CNTN1: variants seen among roughly 807,000 people sequenced by gnomAD.
CNTN1 encodes the protein contactin-1.
In CNTN1, 38 loss-of-function variants were observed where a neutral mutation model predicts 126.4. That is an observed-to-expected ratio of 0.30 (90% CI 0.23 to 0.39). The LOEUF (loss-of-function observed/expected upper bound fraction) is 0.39. Among genes scored for constraint, CNTN1 ranks in the 10% least tolerant of loss-of-function variants. The probability of loss-of-function intolerance (pLI) is 1.00; values close to 1 mark genes in which losing one functional copy is unlikely to be tolerated. For synonymous variants in CNTN1, 413 were observed against 422.6 expected (o/e 0.98, Z 0.28); for missense variants, 1,009 against 1,248.4 (o/e 0.81, Z 2.89).
intron 23 of CNTN1, among the ~76,000 whole-genome samples, chr12:41,068,594 T>A (rs185775): frequency 0.042 from 6,445 of 152,038 alleles, 323 homozygotes; most frequent in African/African-American, 0.11. Context: ...ATAGGGAACA[T>A]GAATGTGCTT....
chr12:40,782,338 A>T (rs969747464), intron 1 of CNTN1, among the ~76,000 whole-genome samples: 2 of 151,946 alleles, frequency 1.3e-5, no homozygotes, highest in African/African-American at 4.8e-5. Flanking sequence ...GCTTAAATGT[A>T]TTTACTGATT....
chr12:40,844,137 A>G (rs1942406000), intron 1 of CNTN1, among the ~76,000 whole-genome samples: 1 of 133,034 alleles, frequency 7.5e-6, no homozygotes, highest in Admixed American at 9.1e-5. Flanking sequence ...GCACGATCTC[A>G]GCTCACCGCA....
chr12:40,824,621 T>C (rs1486377635), intron 1 of CNTN1, among the ~76,000 whole-genome samples: 1 of 152,148 alleles, frequency 6.6e-6, no homozygotes, highest in Admixed American at 6.6e-5. Context: ...GAAAGATAGA[T>C]ATTTAAGTTG....
intron 1 of CNTN1, among the ~76,000 whole-genome samples, chr12:40,736,040 G>A (rs767867662): frequency 6.6e-6 from 1 of 151,988 alleles, no homozygotes; most frequent in Non-Finnish European, 1.5e-5. Context: ...AGAAAGATGG[G>A]GCAAGACATG....
At chr12:41,017,364 A>C (rs1384582034) in intron 19 of CNTN1, among the ~76,000 whole-genome samples, 1 of 148,260 alleles carries the variant, frequency 6.7e-6, no homozygotes, top group Non-Finnish European at 1.5e-5. Context: ...TCTGGAGGAC[A>C]GAGCAAGACT....
intron 1 of CNTN1, among the ~76,000 whole-genome samples, chr12:40,752,562 T>C (rs150875530): frequency 1.4e-4 from 22 of 152,214 alleles, no homozygotes; most frequent in Admixed American, 4.6e-4. Context: ...TGTTAATGAA[T>C]GTGATCCAGG....
At chr12:41,003,738 A>G (rs1394049584) in intron 17 of CNTN1, among the ~76,000 whole-genome samples, 1 of 152,132 alleles carries the variant, frequency 6.6e-6, no homozygotes, top group Non-Finnish European at 1.5e-5. Flanking sequence ...TTATGTGTAT[A>G]GAGGTGTTCA....
chr12:40,733,968 C>T (rs1217660571), intron 1 of CNTN1, among the ~76,000 whole-genome samples: 3 of 152,020 alleles, frequency 2.0e-5, no homozygotes, highest in African/African-American at 4.8e-5. Context: ...GGTCTCTGTT[C>T]CTGGGTTTTC....
In CNTN1 at chr12:40,971,374, C is replaced by T. The variant is rs1286464465; in HGVS notation, c.1805-9535C>T. 6 of 1,427,902 alleles carry T rather than the reference C, an allele frequency of 4.2e-6. No individual in the cohort carries two copies. In the African/African-American group the frequency reaches 8.4e-5, roughly 20 times the overall value. The allele number at this position is 1,427,902 out of a possible 1,614,324, so 88.5% of individuals were successfully genotyped here. A position where few individuals can be genotyped will look rare whatever the true frequency, so the allele number is the denominator to read the frequency against. ...TAGGGCAAATCCCCCAAGTGCATGG[C>T]TTCCTGCCCCTAATTGGGCATCCAC... is the stretch of plus-strand genomic sequence containing the variant. On this transcript the variant is annotated intron_variant, in intron 15 of 23. Transcript: ENST00000551295.
intron 17 of CNTN1, among the ~76,000 whole-genome samples, chr12:41,007,044 G>GTTTTTTTTT (rs1377932314): frequency 8.1e-6 from 1 of 123,448 alleles, no homozygotes; most frequent in African/African-American, 3.1e-5. Flanking sequence ...AGTTTTGTGT[G>GTTTTTTTTT]GTTTTTTTTT....
intron 1 of CNTN1, among the ~76,000 whole-genome samples, chr12:40,714,265 A>G (rs780572357): frequency 6.6e-5 from 10 of 152,110 alleles, no homozygotes; most frequent in African/African-American, 2.2e-4. Flanking sequence ...TGGGCACTTC[A>G]TGAAGAAAAG....
At chr12:40,785,535 G>C (rs777034246) in intron 1 of CNTN1, among the ~76,000 whole-genome samples, 1 of 152,138 alleles carries the variant, frequency 6.6e-6, no homozygotes, top group Non-Finnish European at 1.5e-5. Context: ...ATTATCATTA[G>C]TTCTTGTAGG....
At chr12:40,881,550 T>G (rs1565879089) in intron 1 of CNTN1, among the ~76,000 whole-genome samples, 1 of 151,348 alleles carries the variant, frequency 6.6e-6, no homozygotes, top group Non-Finnish European at 1.5e-5. Flanking sequence ...GATTAAGAAA[T>G]ACATTTAATA....
intron 15 of CNTN1, chr12:40,978,950 T>A (rs1460710723): frequency 6.6e-6 from 1 of 152,210 alleles, no homozygotes; most frequent in African/African-American, 2.4e-5. Context: ...TCTAATTTTT[T>A]ATTTTAACAC....
intron 23 of CNTN1, among the ~76,000 whole-genome samples, chr12:41,062,144 G>C (rs545455494): frequency 7.9e-5 from 12 of 152,050 alleles, no homozygotes; most frequent in African/African-American, 2.9e-4. Context: ...AAACCAATTA[G>C]TGTGACTATC....
At chr12:40,910,022 C>G in intron 2 of CNTN1, 51 bp from the exon 3 acceptor site, 2 of 1,368,502 alleles carry the variant, frequency 1.5e-6, no homozygotes, top group Non-Finnish European at 2.1e-6. Flanking sequence ...TTTGAAACCA[C>G]AATTCAAATA....
chr12:40,777,646 G>A (rs778202206), intron 1 of CNTN1, among the ~76,000 whole-genome samples: 22 of 151,752 alleles, frequency 1.4e-4, no homozygotes, highest in Non-Finnish European at 2.8e-4. Context: ...AAAAAGTCTG[G>A]AATGAATATA....
intron 23 of CNTN1, among the ~76,000 whole-genome samples, chr12:41,058,833 A>G (rs141795011): frequency 2.4e-4 from 36 of 152,274 alleles, no homozygotes; most frequent in African/African-American, 7.9e-4. Context: ...TCAATGTCCA[A>G]TTCTAGCCAG....
At chr12:41,036,472 G>A (rs552996772) in intron 23 of CNTN1, among the ~76,000 whole-genome samples, 51 of 152,068 alleles carry the variant, frequency 3.4e-4, no homozygotes, top group Admixed American at 5.9e-4. Flanking sequence ...AATGAAAGAA[G>A]GACAATAAAT....
Sources: gnomAD v4.1 joint callset for allele counts (sites outside exome capture counted in the v4.1 genomes callset) on GRCh38, gnomAD v4.1.1 for gene constraint, MANE v1.5 for transcripts, NCBI Gene and HGNC (gene_info 2026-07-23, HGNC 2026-07-21) for gene names.